Variants in PTBP3 observed in about 807,000 individuals in gnomAD.
PTBP3 encodes the protein polypyrimidine tract-binding protein 3.
Under a neutral mutation model 58.7 loss-of-function variants are expected in PTBP3, and 20 were observed. That is an observed-to-expected ratio of 0.34 (90% CI 0.24 to 0.50). The LOEUF is 0.50. Ranked by LOEUF, PTBP3 falls within the 20% of genes least tolerant of loss-of-function variation. The pLI is 0.98. For synonymous variants in PTBP3, 185 were observed against 219.8 expected, an observed-to-expected ratio of 0.84 and a Z score of 1.40; for missense variants, 509 against 637.2, an observed-to-expected ratio of 0.80 and a Z score of 2.17.
intron 1 of PTBP3, among the ~76,000 whole-genome samples, chr9:112,332,138 C>T (rs937453104): frequency 6.6e-6 from 1 of 152,036 alleles, no homozygotes; most frequent in African/African-American, 2.4e-5. Context: ...CTTCAATTCC[C>T]CCCCAAAATA....
chr9:112,330,965 T>C (rs555993111), intron 1 of PTBP3, among the ~76,000 whole-genome samples: 1 of 152,284 alleles, frequency 6.6e-6, no homozygotes, highest in Non-Finnish European at 1.5e-5. Context: ...CTCTCAGAAC[T>C]AAAATAAATA....
chr9:112,272,606 T>C (rs1019369960), intron 3 of PTBP3: 3 of 152,162 alleles, frequency 2.0e-5, no homozygotes, highest in African/African-American at 7.2e-5. Flanking sequence ...TCTTGATATG[T>C]TGCCTGGGCT....
intron 2 of PTBP3, among the ~76,000 whole-genome samples, chr9:112,287,473 T>C (rs1828188377): frequency 6.6e-6 from 1 of 151,290 alleles, no homozygotes; most frequent in Non-Finnish European, 1.5e-5. Context: ...CCCAAGCAGC[T>C]GAGATTACCG....
chr9:112,364,104 C>G, the PTBP3 span, among the ~76,000 whole-genome samples: 1 of 150,454 alleles, frequency 6.6e-6, no homozygotes, highest in African/African-American at 2.4e-5. Context: ...TGTACCCTTT[C>G]CAGACTGGCT....
chr9:112,271,180 T>C (rs560063013), intron 3 of PTBP3, among the ~76,000 whole-genome samples: 7 of 152,310 alleles, frequency 4.6e-5, no homozygotes, highest in African/African-American at 1.7e-4. Flanking sequence ...CATGCACATA[T>C]ATGTCATATT....
At chr9:112,375,525 T>C in the PTBP3 span, among the ~76,000 whole-genome samples, 1 of 152,114 alleles carries the variant, frequency 6.6e-6, no homozygotes, top group Non-Finnish European at 1.5e-5. Flanking sequence ...GGCCCTAGTC[T>C]TCTCTTCCTC....
Position 112,333,477 on chromosome 9 carries a change from T to A in PTBP3, c.-59A>T. ...GCGCCGCCTAGTACTTACCCATCCA[T>A]GGCCCAGATGGAGGCGCGCACAGAG... On this transcript the variant is annotated 5_prime_UTR_variant, in exon 1 of 14. The change abolishes an upstream ATG in the 5' untranslated region. Coordinates refer to ENST00000374257, the MANE Select transcript of PTBP3 (RefSeq NM_001163788.4). 6.3e-7 allele frequency: 1 copy of A among 1,590,126 alleles called. No individual in the cohort carries two copies. Among genetic ancestry groups the A allele is most frequent in the Non-Finnish European group, 8.6e-7 (1 of 1,169,056 alleles).
At chr9:112,360,449 G>A in the PTBP3 span, among the ~76,000 whole-genome samples, 1 of 152,172 alleles carries the variant, frequency 6.6e-6, no homozygotes, top group Non-Finnish European at 1.5e-5. Context: ...GCTTCCTAAA[G>A]TGTTACGATT....
At position 112,219,969 on chromosome 9, in the gene PTBP3, T is replaced by C. The variant is rs941968993; in HGVS notation, c.*3882A>G. 3 of 621,420 alleles carry C rather than the reference T, an allele frequency of 4.8e-6. No individual in the cohort carries two copies. Among genetic ancestry groups the C allele is most frequent in the Non-Finnish European group, 6.3e-6 (3 of 478,524 alleles). 38.5% of individuals were successfully genotyped at this position (621,420 alleles called of 1,614,324 possible). On this transcript the variant is annotated 3_prime_UTR_variant, in exon 14 of 14. Transcript: ENST00000374257. ...ACAGCTGAGTTATATTTTCAAATTT[T>C]GTGCAATCTAAATTGTATTTCTTTC... is the stretch of plus-strand genomic sequence containing the variant.
the PTBP3 span, among the ~76,000 whole-genome samples, chr9:112,367,330 T>C: frequency 6.6e-6 from 1 of 152,226 alleles, no homozygotes; most frequent in African/African-American, 2.4e-5. Context: ...TGTTTTCATT[T>C]TGTTAGCTAT....
At chr9:112,337,071 C>T (rs1484190119), upstream of PTBP3, among the ~76,000 whole-genome samples, 1 of 152,166 alleles carries the variant, frequency 6.6e-6, no homozygotes, top group African/African-American at 2.4e-5. Flanking sequence ...GCTCTCTCAC[C>T]CAGGCTGGAG....
At chr9:112,355,942 TTTTC>T in the PTBP3 span, among the ~76,000 whole-genome samples, 7 of 151,600 alleles carry the variant, frequency 4.6e-5, no homozygotes, top group African/African-American at 9.7e-5. Flanking sequence ...CTTTCTTTTC[TTTTC>T]TTTCTTTCTT....
intron 2 of PTBP3, among the ~76,000 whole-genome samples, chr9:112,281,586 G>T (rs1448312597): frequency 6.6e-6 from 1 of 152,174 alleles, no homozygotes; most frequent in Non-Finnish European, 1.5e-5. Flanking sequence ...AGTGGAAAGT[G>T]TTCCCACCTC....
chr9:112,377,643 G>A, the PTBP3 span, among the ~76,000 whole-genome samples: 6 of 152,174 alleles, frequency 3.9e-5, no homozygotes, highest in Admixed American at 3.9e-4. Context: ...ATATAAATTG[G>A]TTGGGAGAAT....
At chr9:112,340,498 A>G in the PTBP3 span, among the ~76,000 whole-genome samples, 1 of 152,240 alleles carries the variant, frequency 6.6e-6, no homozygotes, top group Non-Finnish European at 1.5e-5. Context: ...GTTTTTAAAT[A>G]ACATAATAAT....
At chr9:112,353,350 G>GT in the PTBP3 span, among the ~76,000 whole-genome samples, 1 of 151,788 alleles carries the variant, frequency 6.6e-6, no homozygotes, top group Non-Finnish European at 1.5e-5. Context: ...AGAAGTGAAG[G>GT]TGAAAGAGAC....
intron 12 of PTBP3, 76 bp downstream of exon 12, chr9:112,227,335 A>AGGTT: frequency 1.4e-6 from 2 of 1,471,934 alleles, no homozygotes; most frequent in Non-Finnish European, 9.5e-7. Context: ...ACAATTTCAG[A>AGGTT]AGTTTTAACC....
At chr9:112,227,773 A>C in intron 11 of PTBP3, 146 bp from the exon 12 acceptor site, 1 of 631,318 alleles carries the variant, frequency 1.6e-6, no homozygotes, top group Non-Finnish European at 2.7e-6. Flanking sequence ...AAAATCCAAA[A>C]ACCCTCAAGG....
chr9:112,239,802 AAAGGAAGG>A (rs1237723599), intron 7 of PTBP3, among the ~76,000 whole-genome samples: 2 of 121,618 alleles, frequency 1.6e-5, no homozygotes, highest in Admixed American at 9.2e-5. Context: ...AGGAAGAAGA[AAAGGAAGG>A]AAGGAAGGGA....
Sources: gnomAD v4.1 joint callset for allele counts (sites outside exome capture counted in the v4.1 genomes callset) on GRCh38, gnomAD v4.1.1 for gene constraint, MANE v1.5 for transcripts, NCBI Gene and HGNC (gene_info 2026-07-23, HGNC 2026-07-21) for gene names.